U2SURP: variants seen among roughly 807,000 people sequenced by gnomAD.
The protein encoded by U2SURP is U2 snRNP-associated SURP motif-containing protein.
U2SURP carries 9 observed loss-of-function variants against 144.9 expected under a neutral mutation model. The observed-to-expected ratio is 0.06, with a 90% CI of 0.04 to 0.11. The LOEUF is 0.11. Among genes scored for constraint, U2SURP ranks in the 10% least tolerant of loss-of-function variants. The probability of loss-of-function intolerance (pLI) is 1.00; values close to 1 mark genes in which losing one functional copy is unlikely to be tolerated. For synonymous variants in U2SURP, 408 were observed against 396.8 expected (o/e 1.03, Z -0.33); for missense variants, 724 against 1,226.7 (o/e 0.59, Z 6.12).
At chr3:143,035,339 C>A (rs1342296281) in intron 19 of U2SURP, among the ~76,000 whole-genome samples, 1 of 152,142 alleles carries the variant, frequency 6.6e-6, no homozygotes, top group African/African-American at 2.4e-5. Flanking sequence ...TTTTTTATAA[C>A]CTCTTAAGCT....
intron 1 of U2SURP, among the ~76,000 whole-genome samples, chr3:143,008,184 AT>A (rs543228414): frequency 5.2e-4 from 79 of 152,380 alleles, no homozygotes; most frequent in Admixed American, 8.5e-4. Flanking sequence ...TTATTTTTGT[AT>A]TAGAGATTAT....
intron 13 of U2SURP, 134 bp from the exon 14 acceptor site, chr3:143,027,015 A>G (rs1185763717): frequency 2.3e-5 from 15 of 649,574 alleles, no homozygotes; most frequent in Non-Finnish European, 3.3e-5. Context: ...GCTCCAGGTT[A>G]CTTTTTTGGT....
intron 13 of U2SURP, chr3:143,024,607 AAGC>A (rs1430026513): frequency 2.7e-6 from 1 of 366,772 alleles, no homozygotes; most frequent in East Asian, 8.2e-5. Flanking sequence ...CACACTATTA[AAGC>A]AGAAGAATTC....
chr3:143,056,215 T>C, intron 27 of U2SURP, 97 bp from the exon 28 acceptor site: 3 of 1,289,306 alleles, frequency 2.3e-6, no homozygotes, highest in South Asian at 3.1e-5. Flanking sequence ...GATTTTTCAC[T>C]GTGCCCTGTT....
chr3:143,043,370 A>G (rs1311368445), intron 24 of U2SURP, 94 bp downstream of exon 24: 21 of 1,290,724 alleles, frequency 1.6e-5, no homozygotes, highest in Non-Finnish European at 2.0e-5. Flanking sequence ...CGTAGTACAT[A>G]CTGTTCCTTC....
In U2SURP at chr3:143,050,842, CTAAT is replaced by C. The variant is rs1934820722; in HGVS notation, c.2545-94_2545-91del. ...GGTGAGGTTATATTTTGACTGAGTA[CTAAT>C]TAGTTACTACTTTGCTATAGAAAAG... On this transcript the variant is annotated intron_variant, in intron 24 of 27. Coordinates refer to ENST00000473835, the MANE Select transcript of U2SURP (RefSeq NM_001080415.2). 6.8e-5 allele frequency: 51 copies of C among 751,478 alleles called. No individual in the cohort carries two copies. The South Asian group carries it at 9.2e-4, about 14-fold the overall frequency. The allele number at this position is 751,478 out of a possible 1,614,324, so 46.6% of individuals were successfully genotyped here.
intron 5 of U2SURP, among the ~76,000 whole-genome samples, chr3:143,016,613 G>A (rs565825711): frequency 9.9e-5 from 15 of 152,224 alleles, no homozygotes; most frequent in African/African-American, 3.4e-4. Flanking sequence ...TTCCTTTCAA[G>A]TTTTAAGACA....
At chr3:143,030,862 A>G (rs572406481) in intron 16 of U2SURP, among the ~76,000 whole-genome samples, 4 of 152,312 alleles carry the variant, frequency 2.6e-5, no homozygotes, top group African/African-American at 9.6e-5. Flanking sequence ...CCTGAGCAAT[A>G]TAGTGAGACC....
At chr3:143,024,604 T>C (rs979904723) in intron 13 of U2SURP, 2 of 374,228 alleles carry the variant, frequency 5.3e-6, no homozygotes, top group African/African-American at 4.4e-5. Context: ...CAACACACTA[T>C]TAAAGCAGAA....
intron 10 of U2SURP, among the ~76,000 whole-genome samples, chr3:143,022,278 C>T (rs1277426947): frequency 3.3e-5 from 5 of 152,138 alleles, no homozygotes; most frequent in East Asian, 1.9e-4. Flanking sequence ...TGAACTTCCC[C>T]ACCCTGGCAT....
At position 143,020,037 on chromosome 3, in the gene U2SURP, G is replaced by C. The variant is rs1454466028; in HGVS notation, c.638+1G>C. 1 of 1,490,224 alleles carries C rather than the reference G, an allele frequency of 6.7e-7. No individual in the cohort carries two copies. The highest frequency in any genetic ancestry group is 9.0e-7 in the Non-Finnish European group (1 of 1,107,396). 92.3% of individuals were successfully genotyped at this position (1,490,224 alleles called of 1,614,324 possible). ...AACTCTTCAAAGAAGAATTAAAGCA[G>C]TAAGTTTTATAGTGTGGAGAATAAC... On this transcript the variant is annotated splice_donor_variant, in intron 7 of 27. Transcript: ENST00000473835. LOFTEE classifies it high-confidence loss of function.
intron 1 of U2SURP, among the ~76,000 whole-genome samples, chr3:143,003,860 T>G (rs552278637): frequency 6.5e-4 from 98 of 151,932 alleles, no homozygotes; most frequent in Non-Finnish European, 9.7e-4. Flanking sequence ...CCCGGCTAAT[T>G]TTTTGTATTT....
At chr3:143,048,988 C>T (rs1377549779) in intron 24 of U2SURP, among the ~76,000 whole-genome samples, 1 of 150,642 alleles carries the variant, frequency 6.6e-6, no homozygotes, top group Non-Finnish European at 1.5e-5. Context: ...GGCATGGCGG[C>T]TCATTCCTGT....
Position 143,037,169 on chromosome 3 carries a change from A to G in U2SURP, c.2065-10A>G, listed in dbSNP as rs776094084. The stretch of plus-strand genomic sequence containing the variant: ...AAAGGAAAATGTTATAATAGTACAC[A>G]TTTCCATAGGATGTTCCAGATGACC... On this transcript the variant is annotated splice_polypyrimidine_tract_variant and intron_variant, in intron 20 of 27. Transcript: ENST00000473835. 19 of 1,608,556 alleles carry G rather than the reference A, an allele frequency of 1.2e-5. 1 individual carries two copies. The South Asian group carries it at 2.1e-4, about 18-fold the overall frequency.
intron 10 of U2SURP, 85 bp downstream of exon 10, chr3:143,021,640 GAAGCTGAC>G (rs1936639933): frequency 2.3e-6 from 3 of 1,312,646 alleles, no homozygotes; most frequent in Non-Finnish European, 2.1e-6. Context: ...TCAAGATTCT[GAAGCTGAC>G]AAATCTGATG....
chr3:143,043,996 G>A (rs1370359765), intron 24 of U2SURP, among the ~76,000 whole-genome samples: 2 of 151,694 alleles, frequency 1.3e-5, no homozygotes, highest in South Asian at 2.1e-4. Flanking sequence ...CTCGTGATCC[G>A]CCCACCTCGG....
intron 6 of U2SURP, among the ~76,000 whole-genome samples, chr3:143,017,734 C>T (rs954038955): frequency 2.6e-5 from 4 of 152,024 alleles, no homozygotes; most frequent in Non-Finnish European, 5.9e-5. Flanking sequence ...GTCCTCCCAC[C>T]TCAGCCTCAT....
intron 27 of U2SURP, among the ~76,000 whole-genome samples, chr3:143,055,658 TG>T (rs1223846654): frequency 6.6e-6 from 1 of 152,228 alleles, no homozygotes; most frequent in Non-Finnish European, 1.5e-5. Flanking sequence ...AAAACTGCTT[TG>T]TATGCTAATA....
chr3:143,002,826 G>C (rs1434703110), intron 1 of U2SURP, among the ~76,000 whole-genome samples: 1 of 152,170 alleles, frequency 6.6e-6, no homozygotes, highest in Non-Finnish European at 1.5e-5. Context: ...AACAGACATC[G>C]TTTAGTTACA....
Sources: gnomAD v4.1 joint callset for allele counts (sites outside exome capture counted in the v4.1 genomes callset) on GRCh38, gnomAD v4.1.1 for gene constraint, MANE v1.5 for transcripts, NCBI Gene and HGNC (gene_info 2026-07-23, HGNC 2026-07-21) for gene names.